Variants in BMPR1B observed in about 807,000 individuals in gnomAD.
The protein encoded by BMPR1B is bone morphogenetic protein receptor type 1B.
In BMPR1B, 12 loss-of-function variants were observed where a neutral mutation model predicts 59.1. The observed-to-expected ratio is 0.20, with a 90% CI of 0.13 to 0.33. The LOEUF (loss-of-function observed/expected upper bound fraction) is 0.33, where lower values mean the gene tolerates loss of function less well. BMPR1B is among the 10% of genes least tolerant of loss of function. The probability of loss-of-function intolerance (pLI) is 1.00; values close to 1 mark genes in which losing one functional copy is unlikely to be tolerated. For missense variants in BMPR1B, 550 were observed against 610.9 expected (o/e 0.90, Z 1.05); for synonymous variants, 237 against 207.3 (o/e 1.14, Z -1.23).
chr4:95,143,570 G>A (rs1265808077), intron 10 of BMPR1B, among the ~76,000 whole-genome samples: 1 of 152,138 alleles, frequency 6.6e-6, no homozygotes, highest in East Asian at 1.9e-4. Context: ...AGTGTCCATA[G>A]ACTTATGAAG....
rs1735452195 is a variant in BMPR1B, at chr4:95,156,736, T to G, written c.*2063T>G. ...GTAATCAGAACGCTGCTTCAATTGATATTAAAAATAACCTCAATAATAATG... is the reference window on the plus strand; with the variant it reads ...GTAATCAGAACGCTGCTTCAATTGAGATTAAAAATAACCTCAATAATAATG... On this transcript the variant is annotated 3_prime_UTR_variant, in exon 13 of 13. Coordinates refer to ENST00000515059, the MANE Select transcript of BMPR1B (RefSeq NM_001203.3). The G allele has an allele frequency of 6.6e-6, 1 of 152,156 alleles. No individual in the cohort carries two copies. The highest frequency in any genetic ancestry group is 6.5e-5 in the Admixed American group (1 of 15,284). The allele number at this position is 152,156 out of a possible 1,614,324, so 9.4% of individuals were successfully genotyped here.
chr4:94,998,657 G>A (rs1015292529), intron 3 of BMPR1B, among the ~76,000 whole-genome samples: 2 of 152,098 alleles, frequency 1.3e-5, no homozygotes, highest in African/African-American at 4.8e-5. Flanking sequence ...ACAGGTGTGA[G>A]CCACCACGCC....
intron 4 of BMPR1B, 138 bp from the exon 5 acceptor site, chr4:95,114,582 C>G (rs2149277431): frequency 2.5e-6 from 2 of 809,778 alleles, no homozygotes; most frequent in East Asian, 2.5e-5. Context: ...CTTAACAGAT[C>G]ATTGACATTC....
chr4:94,860,107 G>T (rs28403938), intron 1 of BMPR1B, among the ~76,000 whole-genome samples: 47,721 of 151,826 alleles, frequency 0.31, 7,817 homozygotes, highest in South Asian at 0.35. Flanking sequence ...TCCTTAACGC[G>T]TCCCTAAACT....
At chr4:95,061,874 G>C (rs1400034373) in intron 3 of BMPR1B, among the ~76,000 whole-genome samples, 1 of 152,174 alleles carries the variant, frequency 6.6e-6, no homozygotes, top group East Asian at 1.9e-4. Context: ...CCTGGTGGGA[G>C]GTGATTGGAT....
intron 1 of BMPR1B, among the ~76,000 whole-genome samples, chr4:94,804,371 G>A (rs997112380): frequency 3.9e-5 from 6 of 152,108 alleles, no homozygotes; most frequent in Non-Finnish European, 1.5e-5. Context: ...TAAAGATTCT[G>A]AGAAATTGTG....
At chr4:95,062,066 A>T (rs1727442244) in intron 3 of BMPR1B, among the ~76,000 whole-genome samples, 1 of 152,172 alleles carries the variant, frequency 6.6e-6, no homozygotes, top group Admixed American at 6.6e-5. Flanking sequence ...AGGCCTCACC[A>T]GCCATGCCTC....
chr4:95,068,034 C>T (rs1164756359), intron 3 of BMPR1B, among the ~76,000 whole-genome samples: 1 of 152,138 alleles, frequency 6.6e-6, no homozygotes, highest in Non-Finnish European at 1.5e-5. Flanking sequence ...GAGCATGGCA[C>T]TGCTGGAGAA....
At position 95,035,748 on chromosome 4, in the gene BMPR1B, G is replaced by T. The variant is rs1725194427; in HGVS notation, c.-18+39614G>T. Among the ~76,000 whole-genome samples, 3 of 152,208 alleles carry T rather than the reference G, an allele frequency of 2.0e-5. No individual in the cohort carries two copies. In the South Asian group the frequency reaches 6.2e-4, roughly 32 times the overall value. On this transcript the variant is annotated intron_variant, in intron 3 of 12. Transcript: ENST00000515059. ...AGATTTGTTCTTTTTTCTTAGCCTT[G>T]CTTTGTCTATACAGACTCTTTTGTG...
In BMPR1B at chr4:94,843,323, T is replaced by G. The variant is rs1366640939; in HGVS notation, c.-182-32508T>G. 1.3e-5 allele frequency among the ~76,000 whole-genome samples: 2 copies of G among 152,190 alleles called. 1 individual carries two copies. Among genetic ancestry groups the G allele is most frequent in the Non-Finnish European group, 2.9e-5 (2 of 68,036 alleles). On this transcript the variant is annotated intron_variant, in intron 1 of 12. Coordinates refer to ENST00000515059, the MANE Select transcript of BMPR1B (RefSeq NM_001203.3). ...TTGTGGTGATACTGTTCATAGATTC[T>G]CCTGGTTTGAAAGTGAACAGCCAGC...
At chr4:94,786,790 C>T (rs566536302) in intron 1 of BMPR1B, among the ~76,000 whole-genome samples, 11 of 152,090 alleles carry the variant, frequency 7.2e-5, no homozygotes, top group Admixed American at 2.6e-4. Context: ...GTGATCCACC[C>T]GCCTTTGCCT....
chr4:95,020,591 AAAAAG>A (rs1466277077), intron 3 of BMPR1B, among the ~76,000 whole-genome samples: 149 of 152,238 alleles, frequency 9.8e-4, no homozygotes, highest in African/African-American at 3.2e-3. Flanking sequence ...AAAAAAAAAA[AAAAAG>A]AGTTATCTAG....
At chr4:95,006,061 A>G (rs1236489799) in intron 3 of BMPR1B, among the ~76,000 whole-genome samples, 1 of 152,140 alleles carries the variant, frequency 6.6e-6, no homozygotes, top group African/African-American at 2.4e-5. Context: ...TCACGAAGTC[A>G]GGAGTTCGAG....
intron 2 of BMPR1B, among the ~76,000 whole-genome samples, chr4:94,943,213 T>C (rs1729585301): frequency 6.6e-6 from 1 of 151,934 alleles, no homozygotes; most frequent in Non-Finnish European, 1.5e-5. Flanking sequence ...CGATCTCGGC[T>C]CACCGCAACC....
At chr4:95,032,788 C>A (rs1460943126) in intron 3 of BMPR1B, among the ~76,000 whole-genome samples, 4 of 152,072 alleles carry the variant, frequency 2.6e-5, no homozygotes, top group Non-Finnish European at 4.4e-5. Context: ...CACTGATGAT[C>A]CATTGGGTTG....
chr4:95,068,606 A>T (rs1300937661), intron 3 of BMPR1B, among the ~76,000 whole-genome samples: 1 of 152,160 alleles, frequency 6.6e-6, no homozygotes, highest in Non-Finnish European at 1.5e-5. Context: ...ATGAAAGCAG[A>T]CCTTACCAGT....
intron 2 of BMPR1B, among the ~76,000 whole-genome samples, chr4:94,949,127 C>A (rs1429964671): frequency 6.6e-6 from 1 of 152,092 alleles, no homozygotes; most frequent in African/African-American, 2.4e-5. Flanking sequence ...TTCCCTTGCC[C>A]CCCACCCACT....
chr4:94,844,378 G>A (rs1243297137), intron 1 of BMPR1B, among the ~76,000 whole-genome samples: 2 of 152,114 alleles, frequency 1.3e-5, no homozygotes, highest in Non-Finnish European at 2.9e-5. Context: ...AGAGGATTCA[G>A]AGTGGCTCAA....
At chr4:95,136,463 T>G (rs1733795769) in intron 10 of BMPR1B, among the ~76,000 whole-genome samples, 1 of 152,220 alleles carries the variant, frequency 6.6e-6, no homozygotes, top group South Asian at 2.1e-4. Context: ...TTCTGTTGAT[T>G]GGAATAGTTT....
Sources: gnomAD v4.1 joint callset for allele counts (sites outside exome capture counted in the v4.1 genomes callset) on GRCh38, gnomAD v4.1.1 for gene constraint, MANE v1.5 for transcripts, NCBI Gene and HGNC (gene_info 2026-07-23, HGNC 2026-07-21) for gene names.